Variants in PRSS12 observed in about 807,000 individuals in gnomAD.
PRSS12 encodes neurotrypsin.
Under a neutral mutation model 104.4 loss-of-function variants are expected in PRSS12, and 85 were observed. The ratio of observed to expected loss-of-function variants is 0.81; its 90% CI spans 0.68 to 0.98. The LOEUF is 0.98. PRSS12 is among the 50% of genes least tolerant of loss of function. The pLI is 0.00. For synonymous variants in PRSS12, 454 were observed against 425.2 expected, an observed-to-expected ratio of 1.07 and a Z score of -0.83; for missense variants, 1,141 against 1,139.2, an observed-to-expected ratio of 1.00 and a Z score of -0.02.
At position 118,282,094 on chromosome 4, in the gene PRSS12, C is replaced by CT. The variant is rs1285409512; in HGVS notation, c.2469dup (p.Asp824ArgfsTer9). On this transcript the variant is annotated frameshift_variant, in exon 13 of 13. Coordinates refer to ENST00000296498, the MANE Select transcript of PRSS12 (RefSeq NM_003619.4). LOFTEE classifies it high-confidence loss of function. ...TCACACATGAGTGGTCCTCCGCTGT[C>CT]TCCCTGGCAGCTGTCCACGCGTTTG... is the stretch of plus-strand genomic sequence containing the variant. The CT allele has an allele frequency of 6.2e-7, 1 of 1,614,228 alleles. No individual in the cohort carries two copies. The highest frequency in any genetic ancestry group is 8.5e-7 in the Non-Finnish European group (1 of 1,180,048).
chr4:118,283,504 CTT>C (rs1336556395), intron 11 of PRSS12, among the ~76,000 whole-genome samples: 6 of 152,210 alleles, frequency 3.9e-5, no homozygotes, highest in African/African-American at 1.4e-4. Flanking sequence ...CAGAAACTAA[CTT>C]TGTGTCCCTC....
rs370409320 is a variant in PRSS12, at chr4:118,294,980, C to G, written c.1998G>C (p.Leu666=). ...DGRLLCGATL[L]SSCWVLTAAH... ...CTGCTGTGAGGACCCAGCAGCTACTCAGGAGCGTAGCCCCGCAGAGGAGCC... is the reference window on the plus strand; with the variant it reads ...CTGCTGTGAGGACCCAGCAGCTACTGAGGAGCGTAGCCCCGCAGAGGAGCC... The change falls in exon 11 of 13, where the codon CTG becomes CTC. Residue 666 remains leucine (L), a synonymous_variant. Transcript: ENST00000296498. 2.5e-6 allele frequency: 4 copies of G among 1,614,006 alleles called. No homozygotes were observed. In the African/African-American group the frequency reaches 5.3e-5, roughly 22 times the overall value.
chr4:118,318,153 C>T (rs550302784), intron 5 of PRSS12, among the ~76,000 whole-genome samples: 2 of 152,278 alleles, frequency 1.3e-5, no homozygotes, highest in African/African-American at 4.8e-5. Flanking sequence ...ATTTTCTGAT[C>T]TAGCTTTACA....
chr4:118,299,808 T>TAAATAAAATAAAATA (rs200327301), intron 8 of PRSS12, among the ~76,000 whole-genome samples: 2 of 91,686 alleles, frequency 2.2e-5, no homozygotes, highest in African/African-American at 7.9e-5. Flanking sequence ...TAAAATAAAA[T>TAAATAAAATAAAATA]AAATAAAATA....
At chr4:118,349,403 CAA>C (rs35412799) in intron 1 of PRSS12, among the ~76,000 whole-genome samples, 19 of 123,056 alleles carry the variant, frequency 1.5e-4, no homozygotes, top group Non-Finnish European at 1.8e-4. Context: ...GAACCTATCT[CAA>C]AAAAAAAAAA....
intron 11 of PRSS12, among the ~76,000 whole-genome samples, chr4:118,289,507 A>G (rs1216442591): frequency 6.6e-6 from 1 of 152,178 alleles, no homozygotes; most frequent in East Asian, 1.9e-4. Context: ...TTCACCTGGC[A>G]TCTAAAAGGA....
intron 5 of PRSS12, among the ~76,000 whole-genome samples, chr4:118,317,819 C>T (rs1391431021): frequency 1.3e-5 from 2 of 152,088 alleles, no homozygotes. Flanking sequence ...TTTTCCATTT[C>T]CTTCTTCTTC....
chr4:118,285,285 G>A (rs1167973274), intron 11 of PRSS12, among the ~76,000 whole-genome samples: 1 of 151,908 alleles, frequency 6.6e-6, no homozygotes, highest in African/African-American at 2.4e-5. Flanking sequence ...GTAAAATTTA[G>A]GATTATTTCA....
chr4:118,312,332 G>C (rs376511514), intron 7 of PRSS12, among the ~76,000 whole-genome samples: 4 of 151,800 alleles, frequency 2.6e-5, no homozygotes, highest in African/African-American at 9.7e-5. Context: ...GACCACCTAA[G>C]GCTATTTTAA....
At chr4:118,290,981 C>A (rs1347671267) in intron 11 of PRSS12, among the ~76,000 whole-genome samples, 2 of 151,912 alleles carry the variant, frequency 1.3e-5, no homozygotes, top group African/African-American at 4.8e-5. Context: ...GACCAATTTG[C>A]CAGAAAAAGG....
At chr4:118,338,394 A>C in intron 1 of PRSS12, 80 bp from the exon 2 acceptor site, 2 of 1,551,162 alleles carry the variant, frequency 1.3e-6, no homozygotes, top group Non-Finnish European at 1.8e-6. Flanking sequence ...GGTTAACATG[A>C]TTTTTAAACT....
In PRSS12 at chr4:118,335,458, T is replaced by A. The variant is rs754273380; in HGVS notation, c.820+15A>T. 1.1e-5 allele frequency: 17 copies of A among 1,609,974 alleles called. No individual in the cohort carries two copies. Among genetic ancestry groups the A allele is most frequent in the Non-Finnish European group, 1.1e-5 (13 of 1,177,828 alleles). On this transcript the variant is annotated intron_variant, in intron 3 of 12. Transcript: ENST00000296498. ...TAATGAAAGTAAAACAACAGAACTT[T>A]TTTCTTTTTTTTACCATGGGAAAAG...
intron 9 of PRSS12, among the ~76,000 whole-genome samples, chr4:118,296,873 G>C (rs1040017198): frequency 1.3e-5 from 2 of 152,118 alleles, no homozygotes; most frequent in Non-Finnish European, 2.9e-5. Context: ...ACTGCAAATT[G>C]TAAGATATTA....
rs139751708 is a variant in PRSS12 at position 118,346,947 on chromosome 4, G to A, written c.502+5272C>T. On this transcript the variant is annotated intron_variant, in intron 1 of 12. Transcript: ENST00000296498. Reference sequence around the variant, plus strand: ...GGGACTGGTGTCTTAACACATAGGCGCACACATGCGTGTGCATGCATGCAC... The same window carrying A: ...GGGACTGGTGTCTTAACACATAGGCACACACATGCGTGTGCATGCATGCAC... Among the ~76,000 whole-genome samples the A allele has an allele frequency of 3.3e-3, 501 of 152,032 alleles. 12 individuals carry two copies. Among genetic ancestry groups the A allele is most frequent in the Admixed American group, 0.028 (428 of 15,226 alleles).
At chr4:118,284,657 A>G (rs1004947366) in intron 11 of PRSS12, among the ~76,000 whole-genome samples, 1 of 151,978 alleles carries the variant, frequency 6.6e-6, no homozygotes, top group African/African-American at 2.4e-5. Flanking sequence ...CTTTGGCCCT[A>G]CTATTTTTTC....
In PRSS12 at chr4:118,281,819, CCACAA is replaced by C; in HGVS notation, c.*112_*116del. The C allele has an allele frequency of 1.4e-6, 1 of 735,634 alleles. No homozygotes were observed. The highest frequency in any genetic ancestry group is 2.5e-6 in the Non-Finnish European group (1 of 401,196). 45.6% of individuals were successfully genotyped at this position (735,634 alleles called of 1,614,324 possible). On this transcript the variant is annotated 3_prime_UTR_variant, in exon 13 of 13. Coordinates refer to ENST00000296498, the MANE Select transcript of PRSS12 (RefSeq NM_003619.4). ...GCAGCAGGGGGTACACAATTTTTTA[CCACAA>C]CACAAAGCAAAAACAGATCTTGCCA...
chr4:118,349,127 C>T (rs933904481), intron 1 of PRSS12, among the ~76,000 whole-genome samples: 4 of 152,246 alleles, frequency 2.6e-5, no homozygotes, highest in Admixed American at 6.5e-5. Context: ...CATGGAGACA[C>T]CAACTTCCTC....
At chr4:118,308,334 G>A in intron 8 of PRSS12, 102 bp downstream of exon 8, 1 of 1,477,798 alleles carries the variant, frequency 6.8e-7, no homozygotes, top group Non-Finnish European at 9.4e-7. Flanking sequence ...TCAAATGAAT[G>A]ACAGAAGCTC....
chr4:118,352,300 G>T lies in PRSS12; in HGVS notation c.421C>A (p.Pro141Thr). The change falls in exon 1 of 13, where the codon CCC (proline) becomes ACC (threonine). Residue 141 changes from proline (P) to threonine (T), a missense_variant. Transcript: ENST00000296498. ...RGQRHNFCRS[P>T]DGAGRPWCFY... ...CACCAGGGTCTGCCCGCGCCGTCGG[G>T]GCTCCGACAAAAGTTGTGGCGCTGT... 1 of 1,602,870 alleles carries T rather than the reference G, an allele frequency of 6.2e-7. No individual in the cohort carries two copies. The highest frequency in any genetic ancestry group is 8.5e-7 in the Non-Finnish European group (1 of 1,176,864).
Sources: gnomAD v4.1 joint callset for allele counts (sites outside exome capture counted in the v4.1 genomes callset) on GRCh38, gnomAD v4.1.1 for gene constraint, MANE v1.5 for transcripts, NCBI Gene and HGNC (gene_info 2026-07-23, HGNC 2026-07-21) for gene names.